Variants in SPECC1L observed in about 807,000 individuals in gnomAD.
SPECC1L encodes the protein cytospin-A.
In SPECC1L, 40 loss-of-function variants were observed where a neutral mutation model predicts 116.8. The observed-to-expected ratio is 0.34, with a 90% CI of 0.27 to 0.45. SPECC1L has a LOEUF of 0.45. Ranked by LOEUF, SPECC1L falls within the 20% of genes least tolerant of loss-of-function variation. SPECC1L has a pLI of 1.00. For missense variants in SPECC1L, 1,110 were observed against 1,373.6 expected, an observed-to-expected ratio of 0.81 and a Z score of 3.03; for synonymous variants, 504 against 500.6, an observed-to-expected ratio of 1.01 and a Z score of -0.09.
intron 1 of SPECC1L, among the ~76,000 whole-genome samples, chr22:24,272,106 C>A (rs2048738707): frequency 6.6e-6 from 1 of 152,206 alleles, no homozygotes; most frequent in South Asian, 2.1e-4. Flanking sequence ...CCAGGCCAGG[C>A]GCGGTGCCTC....
In SPECC1L at chr22:24,391,866, A is replaced by T. The variant is rs372691772; in HGVS notation, c.3088-19722A>T. Among the ~76,000 whole-genome samples, 160 of 152,338 alleles carry T rather than the reference A, an allele frequency of 1.1e-3. 1 individual carries two copies. In the South Asian group the frequency reaches 0.033, roughly 31 times the overall value. ...TAACTTCCACTAATGACATGGAGAA[A>T]ACCTGCCGAATGTAATAAAATGGTT... On this transcript the variant is annotated intron_variant, in intron 14 of 16. Transcript: ENST00000314328.
intron 3 of SPECC1L, among the ~76,000 whole-genome samples, chr22:24,306,422 C>T (rs907266756): frequency 2.0e-5 from 3 of 151,146 alleles, no homozygotes; most frequent in African/African-American, 7.3e-5. Context: ...TGTTGCCTGC[C>T]CAGGCTGGAG....
intron 10 of SPECC1L, chr22:24,343,507 C>T (rs774383069): frequency 2.2e-6 from 1 of 446,272 alleles, no homozygotes; most frequent in South Asian, 1.6e-5. Flanking sequence ...GTCGCCCACG[C>T]TGGAATGCAG....
intron 2 of SPECC1L, among the ~76,000 whole-genome samples, chr22:24,288,644 T>TTTTTTTTTTTTTTTTTG (rs2049097699): frequency 8.0e-6 from 1 of 125,308 alleles, no homozygotes; most frequent in African/African-American, 3.2e-5. Flanking sequence ...TTTTTTTTTT[T>TTTTTTTTTTTTTTTTTG]GGACATATCC....
intron 2 of SPECC1L, among the ~76,000 whole-genome samples, chr22:24,283,472 G>A (rs1225626149): frequency 6.6e-6 from 1 of 152,142 alleles, no homozygotes; most frequent in Non-Finnish European, 1.5e-5. Flanking sequence ...TAGATTGTTA[G>A]ACTCAATTTG....
chr22:24,383,792 A>ATTTTTTTTTTTTTTT (rs538972717), intron 14 of SPECC1L, among the ~76,000 whole-genome samples: 8 of 77,322 alleles, frequency 1.0e-4, no homozygotes, highest in East Asian at 3.5e-4. Context: ...ACCCACCACT[A>ATTTTTTTTTTTTTTT]TTTTTTTTTT....
chr22:24,337,049 A>C (rs1370618666), intron 9 of SPECC1L, among the ~76,000 whole-genome samples: 1 of 152,212 alleles, frequency 6.6e-6, no homozygotes. Context: ...GGTTAGGTGT[A>C]TTAAATGCAT....
chr22:24,379,248 A>G (rs914721294), intron 14 of SPECC1L, among the ~76,000 whole-genome samples: 1 of 151,968 alleles, frequency 6.6e-6, no homozygotes, highest in Non-Finnish European at 1.5e-5. Context: ...CATGGTAGCA[A>G]TCCTCCTACC....
intron 14 of SPECC1L, among the ~76,000 whole-genome samples, chr22:24,384,459 T>C (rs1601323094): frequency 6.6e-6 from 1 of 152,210 alleles, no homozygotes; most frequent in African/African-American, 2.4e-5. Flanking sequence ...GAATATTGAC[T>C]GCAGTGTAAT....
intron 3 of SPECC1L, among the ~76,000 whole-genome samples, chr22:24,310,893 A>G (rs2040448752): frequency 6.6e-6 from 1 of 152,110 alleles, no homozygotes; most frequent in Non-Finnish European, 1.5e-5. Context: ...TTTGTTTTAT[A>G]ATTTTAGATT....
chr22:24,339,723 C>G (rs2041132558), intron 10 of SPECC1L, among the ~76,000 whole-genome samples: 1 of 152,126 alleles, frequency 6.6e-6, no homozygotes, highest in South Asian at 2.1e-4. Flanking sequence ...AGTGTGCTCC[C>G]TCCGCATTTA....
chr22:24,322,965 G>T (rs1159471908), intron 5 of SPECC1L, 47 bp downstream of exon 5: 8 of 1,608,736 alleles, frequency 5.0e-6, no homozygotes, highest in Non-Finnish European at 6.8e-6. Context: ...TTAGGCAGCT[G>T]CCATGCACAG....
At chr22:24,334,013 TG>T (rs374917351) in intron 8 of SPECC1L, among the ~76,000 whole-genome samples, 2 of 147,020 alleles carry the variant, frequency 1.4e-5, no homozygotes, top group South Asian at 4.2e-4. Flanking sequence ...AGTTTTTTGT[TG>T]TTTTTTTTTT....
intron 9 of SPECC1L, 88 bp from the exon 10 acceptor site, chr22:24,338,297 TG>T (rs2041103937): frequency 7.8e-7 from 1 of 1,286,090 alleles, no homozygotes; most frequent in Admixed American, 1.7e-5. Context: ...TTGAGAGCAT[TG>T]GGTAATCAGG....
At chr22:24,396,103 C>T (rs922229895) in intron 14 of SPECC1L, among the ~76,000 whole-genome samples, 2 of 152,194 alleles carry the variant, frequency 1.3e-5, no homozygotes, top group Non-Finnish European at 2.9e-5. Context: ...GAACTGTCAG[C>T]GGATGCATCT....
At chr22:24,374,611 CAG>C (rs1204129425) in intron 14 of SPECC1L, among the ~76,000 whole-genome samples, 2 of 113,360 alleles carry the variant, frequency 1.8e-5, no homozygotes, top group Non-Finnish European at 3.3e-5. Context: ...ACATAACACA[CAG>C]GGGCCTGTTG....
intron 11 of SPECC1L, among the ~76,000 whole-genome samples, chr22:24,355,418 T>TAC (rs2041511622): frequency 2.6e-5 from 4 of 151,106 alleles, no homozygotes; most frequent in African/African-American, 7.4e-5. Context: ...CTCATGTGTA[T>TAC]ACACTATCCT....
intron 8 of SPECC1L, among the ~76,000 whole-genome samples, chr22:24,332,821 A>G (rs2040965334): frequency 6.6e-6 from 1 of 152,090 alleles, no homozygotes; most frequent in Admixed American, 6.6e-5. Context: ...TTTTAATGTA[A>G]TGGAAGACAG....
chr22:24,312,217 C>A (rs191261991), intron 3 of SPECC1L, among the ~76,000 whole-genome samples: 15 of 152,310 alleles, frequency 9.8e-5, no homozygotes, highest in African/African-American at 3.6e-4. Flanking sequence ...AAGTGATCCA[C>A]CTCGGCCTCC....
Sources: gnomAD v4.1 joint callset for allele counts (sites outside exome capture counted in the v4.1 genomes callset) on GRCh38, gnomAD v4.1.1 for gene constraint, MANE v1.5 for transcripts, NCBI Gene and HGNC (gene_info 2026-07-23, HGNC 2026-07-21) for gene names.